The following PTPRD variants were observed in gnomAD, a reference collection of about 807,000 sequenced individuals.
PTPRD encodes receptor-type tyrosine-protein phosphatase delta.
Under a neutral mutation model 214.5 loss-of-function variants are expected in PTPRD, and 34 were observed. That is an observed-to-expected ratio of 0.16 (90% CI 0.12 to 0.21). The LOEUF (loss-of-function observed/expected upper bound fraction) is 0.21, where lower values mean the gene tolerates loss of function less well. Ranked by LOEUF, PTPRD falls within the 10% of genes least tolerant of loss-of-function variation. PTPRD has a pLI of 1.00. For missense variants in PTPRD, 2,545 were observed against 2,398.7 expected (o/e 1.06, Z -1.27); for synonymous variants, 1,128 against 845.7 (o/e 1.33, Z -5.79).
chr9:8,905,496 T>G (rs1321761774), intron 11 of PTPRD, among the ~76,000 whole-genome samples: 1 of 151,992 alleles, frequency 6.6e-6, no homozygotes. Flanking sequence ...CCCAATACAT[T>G]GGGAGGTTGA....
intron 2 of PTPRD, among the ~76,000 whole-genome samples, chr9:10,602,165 T>A (rs1349562034): frequency 6.6e-6 from 1 of 151,856 alleles, no homozygotes; most frequent in Non-Finnish European, 1.5e-5. Flanking sequence ...CTTGTGGTAT[T>A]AATTAAAATT....
At chr9:8,848,308 T>A in intron 11 of PTPRD, among the ~76,000 whole-genome samples, 1 of 89,126 alleles carries the variant, frequency 1.1e-5, no homozygotes. Flanking sequence ...TGCTTAAGAT[T>A]TTTCCTTTTT....
chr9:9,966,852 G>C (rs1311206212), intron 4 of PTPRD, among the ~76,000 whole-genome samples: 1 of 152,174 alleles, frequency 6.6e-6, no homozygotes, highest in African/African-American at 2.4e-5. Context: ...GCTGTTTCTA[G>C]CCATTAACAG....
At chr9:9,556,922 A>G (rs1023968941) in intron 8 of PTPRD, among the ~76,000 whole-genome samples, 1 of 152,194 alleles carries the variant, frequency 6.6e-6, no homozygotes, top group African/African-American at 2.4e-5. Context: ...ATTCTACTGT[A>G]GAAAAGAGTA....
intron 3 of PTPRD, among the ~76,000 whole-genome samples, chr9:10,248,219 G>T (rs141206320): frequency 1.3e-5 from 2 of 152,198 alleles, no homozygotes; most frequent in African/African-American, 4.8e-5. Flanking sequence ...GAGGCAAGCA[G>T]TAAGGGTTAA....
intron 44 of PTPRD, among the ~76,000 whole-genome samples, chr9:8,328,887 A>ATGTT (rs1445156774): frequency 6.6e-6 from 1 of 151,932 alleles, no homozygotes; most frequent in East Asian, 1.9e-4. Flanking sequence ...CAGGTCATTT[A>ATGTT]TGTTTTTCTC....
rs567349613 is a variant in PTPRD, at chr9:9,031,405, C to T, written c.-142-12670G>A. The stretch of plus-strand genomic sequence containing the variant: ...AGATAGCATAGCCCACTACACAACT[C>T]GGCTATGCGGTATAGCCTATAGCTC... On this transcript the variant is annotated intron_variant, in intron 10 of 45. Coordinates refer to ENST00000381196, the MANE Select transcript of PTPRD (RefSeq NM_002839.4). Among the ~76,000 whole-genome samples, 10 of 152,050 alleles carry T rather than the reference C, an allele frequency of 6.6e-5. 1 individual carries two copies. In the South Asian group the frequency reaches 1.5e-3, roughly 22 times the overall value.
chr9:10,465,951 G>C (rs1355242460), intron 2 of PTPRD, among the ~76,000 whole-genome samples: 2 of 152,098 alleles, frequency 1.3e-5, no homozygotes, highest in African/African-American at 4.8e-5. Context: ...ATAGATTTAG[G>C]AAAATTTCAA....
chr9:9,982,214 T>C (rs2095565431), intron 4 of PTPRD, among the ~76,000 whole-genome samples: 1 of 152,134 alleles, frequency 6.6e-6, no homozygotes, highest in Non-Finnish European at 1.5e-5. Flanking sequence ...TTGACAAGCC[T>C]TTTTGAGGCA....
chr9:9,048,161 G>C (rs1252539735), intron 10 of PTPRD, among the ~76,000 whole-genome samples: 1 of 152,124 alleles, frequency 6.6e-6, no homozygotes, highest in Non-Finnish European at 1.5e-5. Context: ...ACAAATACTG[G>C]TGAGGATGTG....
chr9:10,495,857 A>C (rs1186126443), intron 2 of PTPRD, among the ~76,000 whole-genome samples: 3 of 151,750 alleles, frequency 2.0e-5, no homozygotes, highest in African/African-American at 7.2e-5. Flanking sequence ...TATTTTATTT[A>C]GCCAGTTAAA....
intron 10 of PTPRD, among the ~76,000 whole-genome samples, chr9:9,025,940 G>C (rs1346248789): frequency 6.6e-6 from 1 of 151,898 alleles, no homozygotes; most frequent in Non-Finnish European, 1.5e-5. Context: ...AGAAATTATA[G>C]TCCGCTCAGA....
chr9:9,080,489 T>C (rs1047273340), intron 10 of PTPRD, among the ~76,000 whole-genome samples: 12 of 152,100 alleles, frequency 7.9e-5, no homozygotes, highest in African/African-American at 1.9e-4. Flanking sequence ...AATGATATCC[T>C]ATCATCTTAT....
intron 3 of PTPRD, among the ~76,000 whole-genome samples, chr9:10,310,120 G>C (rs918358956): frequency 6.6e-6 from 1 of 152,008 alleles, no homozygotes; most frequent in Non-Finnish European, 1.5e-5. Context: ...CGAACAAGAA[G>C]CCTTTATGGA....
intron 5 of PTPRD, among the ~76,000 whole-genome samples, chr9:9,861,631 G>A (rs1252821351): frequency 6.6e-6 from 1 of 152,156 alleles, no homozygotes; most frequent in African/African-American, 2.4e-5. Context: ...AGAATATTTA[G>A]ATGTTAACTA....
At chr9:8,468,589 A>T (rs1274277425) in intron 31 of PTPRD, among the ~76,000 whole-genome samples, 1 of 151,880 alleles carries the variant, frequency 6.6e-6, no homozygotes, top group South Asian at 2.1e-4. Flanking sequence ...GCCTCTTTCA[A>T]TTTCTTATGG....
chr9:9,803,464 C>G (rs936087176), intron 5 of PTPRD, among the ~76,000 whole-genome samples: 9 of 151,948 alleles, frequency 5.9e-5, no homozygotes, highest in Non-Finnish European at 1.0e-4. Flanking sequence ...TCACCTCCAA[C>G]AATAGTTTTT....
At chr9:10,115,300 G>A (rs2098721674) in intron 3 of PTPRD, among the ~76,000 whole-genome samples, 1 of 151,978 alleles carries the variant, frequency 6.6e-6, no homozygotes, top group South Asian at 2.1e-4. Flanking sequence ...GATTAAGTAT[G>A]ATACATATTT....
intron 4 of PTPRD, among the ~76,000 whole-genome samples, chr9:9,954,820 A>G (rs1465343309): frequency 1.3e-5 from 2 of 152,144 alleles, no homozygotes; most frequent in Non-Finnish European, 2.9e-5. Flanking sequence ...TATAAGTAGA[A>G]TTTTCCTTCA....
Sources: allele counts gnomAD v4.1 joint callset (sites outside exome capture counted in the v4.1 genomes callset), GRCh38; gene constraint gnomAD v4.1.1; transcripts MANE v1.5; gene names NCBI Gene and HGNC (gene_info 2026-07-23, HGNC 2026-07-21).